Variants in C12orf42 observed in about 807,000 individuals in gnomAD.
C12orf42 encodes the protein chromosome 12 open reading frame 42.
C12orf42 carries 25 observed loss-of-function variants against 21.6 expected under a neutral mutation model. The observed-to-expected ratio is 1.16, with a 90% confidence interval of 0.84 to 1.62. The LOEUF is 1.62. Among genes scored for constraint, C12orf42 ranks in the 40% most tolerant of loss-of-function variants. The pLI, the probability that C12orf42 is intolerant of heterozygous loss-of-function variation, is 0.00. For missense variants in C12orf42, 483 were observed against 459.3 expected (o/e 1.05, Z -0.47); for synonymous variants, 174 against 175.0 (o/e 0.99, Z 0.05).
At chr12:103,250,653 A>C (rs2034254178) in intron 10 of C12orf42, among the ~76,000 whole-genome samples, 1 of 152,148 alleles carries the variant, frequency 6.6e-6, no homozygotes, top group Non-Finnish European at 1.5e-5. Flanking sequence ...GTTAGGTGAG[A>C]AAGAGTTCAC....
the C12orf42 span, among the ~76,000 whole-genome samples, chr12:103,138,085 G>C: frequency 6.6e-6 from 1 of 152,160 alleles, no homozygotes; most frequent in Non-Finnish European, 1.5e-5. Flanking sequence ...CCAAAACCCT[G>C]ACTTGATCAT....
At chr12:103,061,711 T>G in the C12orf42 span, among the ~76,000 whole-genome samples, 1 of 152,012 alleles carries the variant, frequency 6.6e-6, no homozygotes, top group East Asian at 1.9e-4. Context: ...TGGTTAGTGT[T>G]TACATATATG....
the C12orf42 span, among the ~76,000 whole-genome samples, chr12:103,529,918 A>G: frequency 1.3e-5 from 2 of 151,972 alleles, no homozygotes; most frequent in East Asian, 3.9e-4. Flanking sequence ...GCATTCCCCC[A>G]TGACACTTTC....
intron 10 of C12orf42, among the ~76,000 whole-genome samples, chr12:103,239,784 G>A (rs975943089): frequency 2.6e-5 from 4 of 152,258 alleles, no homozygotes; most frequent in Non-Finnish European, 5.9e-5. Context: ...AAACCATGTT[G>A]GTCTGGGGAT....
chr12:103,262,729 G>A (rs1304040171), intron 10 of C12orf42, among the ~76,000 whole-genome samples: 1 of 152,158 alleles, frequency 6.6e-6, no homozygotes, highest in Non-Finnish European at 1.5e-5. Context: ...TTCAACCATT[G>A]TGGAAGACAG....
the C12orf42 span, among the ~76,000 whole-genome samples, chr12:103,076,977 C>T: frequency 6.6e-6 from 1 of 152,154 alleles, no homozygotes; most frequent in East Asian, 1.9e-4. Flanking sequence ...TATTGATGTT[C>T]ATATCAGCCA....
chr12:103,197,015 G>T, the C12orf42 span, among the ~76,000 whole-genome samples: 1 of 152,134 alleles, frequency 6.6e-6, no homozygotes, highest in Non-Finnish European at 1.5e-5. Context: ...AGTGTCATTG[G>T]TCTATGGACT....
the C12orf42 span, among the ~76,000 whole-genome samples, chr12:103,510,467 C>G: frequency 6.6e-6 from 1 of 152,120 alleles, no homozygotes; most frequent in African/African-American, 2.4e-5. Context: ...AGAACTTACT[C>G]ATGTAACCAA....
At chr12:103,052,609 G>A in the C12orf42 span, among the ~76,000 whole-genome samples, 4 of 151,838 alleles carry the variant, frequency 2.6e-5, no homozygotes, top group East Asian at 1.9e-4. Flanking sequence ...ACTTCTTTAC[G>A]TGTGACTTTT....
chr12:103,250,088 T>TATCTATCTATCTATC lies in C12orf42; in HGVS notation c.*1367-12201_*1367-12187dup, dbSNP rs1555237064. Among the ~76,000 whole-genome samples the TATCTATCTATCTATC allele has an allele frequency of 6.6e-5, 10 of 151,580 alleles. No homozygotes were observed. In the East Asian group the frequency reaches 9.7e-4, roughly 15 times the overall value. Reference sequence around the variant, plus strand: ...CTATCTATCTATCTATCTATCTATCTATCTATCTATCTATCTATGTTTGAT... The same window carrying TATCTATCTATCTATC: ...CTATCTATCTATCTATCTATCTATCTATCTATCTATCTATCATCTATCTATCTATCTATGTTTGAT... On this transcript the variant is annotated intron_variant and NMD_transcript_variant, in intron 10 of 10. Transcript: ENST00000547347.
At chr12:103,200,116 G>T in the C12orf42 span, among the ~76,000 whole-genome samples, 1 of 151,952 alleles carries the variant, frequency 6.6e-6, no homozygotes, top group African/African-American at 2.4e-5. Context: ...AAAAAAATAC[G>T]GTATACACAT....
exon 11 of C12orf42, chr12:103,237,879 T>C (rs541739278): frequency 7.2e-5 from 11 of 152,316 alleles, no homozygotes; most frequent in African/African-American, 2.6e-4. Flanking sequence ...CATGTTCCGT[T>C]GGACAAAGAA....
chr12:103,161,373 A>G, the C12orf42 span: 1 of 93,608 alleles, frequency 1.1e-5, no homozygotes, highest in Admixed American at 9.8e-5. Flanking sequence ...GTTCTGCAAA[A>G]TGCTAAAAAA....
At chr12:103,233,207 A>G (rs1013871149), downstream of C12orf42, among the ~76,000 whole-genome samples, 1 of 152,086 alleles carries the variant, frequency 6.6e-6, no homozygotes, top group Non-Finnish European at 1.5e-5. Context: ...TGCCAATACC[A>G]CACTGTCTTG....
chr12:103,391,853 TTTTC>T (rs2047109967), intron 3 of C12orf42, among the ~76,000 whole-genome samples: 1 of 152,122 alleles, frequency 6.6e-6, no homozygotes, highest in Admixed American at 6.5e-5. Flanking sequence ...TTTATCTATA[TTTTC>T]TTTTTTTACC....
downstream of C12orf42, among the ~76,000 whole-genome samples, chr12:103,298,015 A>G (rs2136424608): frequency 6.6e-6 from 1 of 151,864 alleles, no homozygotes; most frequent in South Asian, 2.1e-4. Flanking sequence ...ATGGGCAAAA[A>G]CTGGAAGCAT....
intron 2 of C12orf42, among the ~76,000 whole-genome samples, chr12:103,437,643 T>C (rs1002361737): frequency 7.2e-5 from 11 of 151,732 alleles, no homozygotes; most frequent in African/African-American, 2.2e-4. Context: ...GCAAATAAAC[T>C]AGAAAATCTA....
At chr12:103,246,711 C>T (rs1236602309) in intron 10 of C12orf42, among the ~76,000 whole-genome samples, 1 of 151,972 alleles carries the variant, frequency 6.6e-6, no homozygotes, top group African/African-American at 2.4e-5. Flanking sequence ...GTAAACAATC[C>T]ACTTTGTGGC....
chr12:103,412,407 G>A (rs541900386), intron 2 of C12orf42, among the ~76,000 whole-genome samples: 11 of 152,184 alleles, frequency 7.2e-5, no homozygotes, highest in African/African-American at 1.4e-4. Context: ...AGTAGCTCAC[G>A]CCTGTAATCC....
Sources: gnomAD v4.1 joint callset for allele counts (sites outside exome capture counted in the v4.1 genomes callset) on GRCh38, gnomAD v4.1.1 for gene constraint, MANE v1.5 for transcripts, NCBI Gene and HGNC (gene_info 2026-07-23, HGNC 2026-07-21) for gene names.